The following FBXL20 variants were observed in gnomAD, a reference collection of about 807,000 sequenced individuals.
The protein encoded by FBXL20 is F-box and leucine rich repeat protein 20.
FBXL20 carries 11 observed loss-of-function variants against 64.0 expected under a neutral mutation model. That is an observed-to-expected ratio of 0.17 (90% CI 0.11 to 0.28). The LOEUF (loss-of-function observed/expected upper bound fraction) is 0.28. FBXL20 is among the 10% of genes least tolerant of loss of function. The probability of loss-of-function intolerance (pLI) is 1.00; values close to 1 mark genes in which losing one functional copy is unlikely to be tolerated. For synonymous variants in FBXL20, 184 were observed against 189.0 expected (o/e 0.97, Z 0.22); for missense variants, 303 against 526.2 (o/e 0.58, Z 4.15).
At chr17:39,281,280 TG>T in intron 9 of FBXL20, 108 bp downstream of exon 9, 1 of 926,776 alleles carries the variant, frequency 1.1e-6, no homozygotes, top group Non-Finnish European at 1.7e-6. Flanking sequence ...ACTAGGGTTG[TG>T]GTAGAAAAAC....
At chr17:39,327,793 C>A (rs887971697) in intron 2 of FBXL20, among the ~76,000 whole-genome samples, 2 of 152,162 alleles carry the variant, frequency 1.3e-5, no homozygotes, top group South Asian at 2.1e-4. Context: ...CTCCACCTCC[C>A]GGGTTCATGC....
At chr17:39,329,150 ATACTCCT>A (rs779487571) in intron 2 of FBXL20, among the ~76,000 whole-genome samples, 1 of 152,204 alleles carries the variant, frequency 6.6e-6, no homozygotes, top group African/African-American at 2.4e-5. Flanking sequence ...AATCTGGCAG[ATACTCCT>A]CAGACCTAAT....
chr17:39,269,052 C>T (rs1192683851), intron 11 of FBXL20, among the ~76,000 whole-genome samples, 181 bp from the exon 12 acceptor site: 3 of 152,080 alleles, frequency 2.0e-5, no homozygotes, highest in East Asian at 1.9e-4. Context: ...CTCTGTCACC[C>T]AGGTTGGAGT....
chr17:39,283,971 G>A (rs888408862), intron 7 of FBXL20, among the ~76,000 whole-genome samples: 1 of 152,158 alleles, frequency 6.6e-6, no homozygotes, highest in Non-Finnish European at 1.5e-5. Flanking sequence ...AATGACTTTA[G>A]GAAGCCTGTC....
chr17:39,260,927 C>A lies in FBXL20; in HGVS notation c.*533G>T, dbSNP rs1305271906. On this transcript the variant is annotated 3_prime_UTR_variant, in exon 15 of 15. Coordinates refer to ENST00000264658, the MANE Select transcript of FBXL20 (RefSeq NM_032875.3). ...GACGAGCCTTCTTTGTGAGCATGCT[C>A]AGCATGTTGGCATGGAAACAAGGAA... 1 of 156,098 alleles carries A rather than the reference C, an allele frequency of 6.4e-6. No individual in the cohort carries two copies. The highest frequency in any genetic ancestry group is 1.4e-5 in the Non-Finnish European group (1 of 70,040). The allele number at this position is 156,098 out of a possible 1,614,324, so 9.7% of individuals were successfully genotyped here.
At position 39,264,216 on chromosome 17, in the gene FBXL20, C is replaced by A; in HGVS notation, c.1162G>T (p.Asp388Tyr). 1 of 1,614,244 alleles carries A rather than the reference C, an allele frequency of 6.2e-7. No individual in the cohort carries two copies. Among genetic ancestry groups the A allele is most frequent in the South Asian group, 1.1e-5 (1 of 91,084 alleles). Residue 388 changes from aspartate to tyrosine, a missense_variant, in exon 14 of 15, where the codon GAC becomes TAC. Transcript: ENST00000264658. The part of the protein sequence containing the change: ...CHSLERIELY[D>Y]CQQITRAGIK... ...CCAGCCCGTGTGATTTGCTGGCAGTCATAGAGTTCTATCCGCTCAAGGCTA... is the reference window on the plus strand; with the variant it reads ...CCAGCCCGTGTGATTTGCTGGCAGTAATAGAGTTCTATCCGCTCAAGGCTA...
chr17:39,272,990 A>G (rs1414690292), intron 10 of FBXL20, among the ~76,000 whole-genome samples: 1 of 152,140 alleles, frequency 6.6e-6, no homozygotes, highest in Non-Finnish European at 1.5e-5. Context: ...ATTTTGACCA[A>G]TAGGTGTATG....
chr17:39,280,235 CAAA>C (rs35241441), intron 9 of FBXL20, among the ~76,000 whole-genome samples: 2 of 105,406 alleles, frequency 1.9e-5, no homozygotes, highest in African/African-American at 4.4e-5. Flanking sequence ...GACTCCGTCT[CAAA>C]AAAAAAAAAA....
intron 2 of FBXL20, among the ~76,000 whole-genome samples, chr17:39,321,780 C>CA (rs540775014): frequency 0.024 from 1,977 of 83,322 alleles, 18 homozygotes; most frequent in South Asian, 0.065. Context: ...AATTCTGTCT[C>CA]AAAAAAAAAA....
At chr17:39,357,602 G>C (rs889719585) in intron 1 of FBXL20, among the ~76,000 whole-genome samples, 2 of 152,086 alleles carry the variant, frequency 1.3e-5, no homozygotes, top group Non-Finnish European at 2.9e-5. Context: ...GCTAGAGTGC[G>C]GTGGCACAAA....
In FBXL20 at chr17:39,291,428, T is replaced by C. The variant is rs372365565; in HGVS notation, c.398+5699A>G. On this transcript the variant is annotated intron_variant, in intron 6 of 14. Transcript: ENST00000264658. ...AGATTAGATTCTTGATTTTAAAACT[T>C]TTCTTTTTTTTTTTTTTTTTTTTGA... Among the ~76,000 whole-genome samples, 86 of 146,906 alleles carry C rather than the reference T, an allele frequency of 5.9e-4. 2 individuals are homozygous for C. The East Asian group carries it at 0.015, about 26-fold the overall frequency.
At chr17:39,271,423 C>T (rs564463596) in intron 10 of FBXL20, among the ~76,000 whole-genome samples, 4 of 151,882 alleles carry the variant, frequency 2.6e-5, no homozygotes, top group Admixed American at 6.6e-5. Context: ...CACGGTGAAA[C>T]CCCATTTCTA....
intron 1 of FBXL20, among the ~76,000 whole-genome samples, chr17:39,398,033 CGGCGGGCGGGGGGGG>C: frequency 1.7e-4 from 1 of 5,786 alleles, no homozygotes; most frequent in Non-Finnish European, 4.2e-4. Context: ...TTTGGGAGGC[CGGCGGGCGGGGGGGG>C]GGGGGGGGTT....
At chr17:39,262,748 C>A (rs535002445) in intron 14 of FBXL20, among the ~76,000 whole-genome samples, 1 of 152,064 alleles carries the variant, frequency 6.6e-6, no homozygotes, top group East Asian at 2.0e-4. Flanking sequence ...CCTGTAATCC[C>A]AGCACTTTGG....
chr17:39,277,018 T>C (rs1277421969), intron 9 of FBXL20, among the ~76,000 whole-genome samples: 2 of 152,230 alleles, frequency 1.3e-5, no homozygotes, highest in Non-Finnish European at 2.9e-5. Context: ...ACTAATTTTG[T>C]GTAGGCCTAA....
intron 1 of FBXL20, among the ~76,000 whole-genome samples, chr17:39,347,804 T>C (rs1217530071): frequency 1.3e-5 from 2 of 152,152 alleles, no homozygotes; most frequent in African/African-American, 4.8e-5. Flanking sequence ...GGTTTTCTTC[T>C]AGAGTTTTTT....
intron 1 of FBXL20, among the ~76,000 whole-genome samples, chr17:39,361,793 T>A (rs1028470161): frequency 5.9e-5 from 9 of 151,674 alleles, no homozygotes; most frequent in Non-Finnish European, 1.3e-4. Context: ...CGAGACTCCG[T>A]CTCAAAAAAA....
intron 2 of FBXL20, among the ~76,000 whole-genome samples, chr17:39,340,845 T>A (rs1465363186): frequency 6.6e-6 from 1 of 151,964 alleles, no homozygotes; most frequent in Non-Finnish European, 1.5e-5. Flanking sequence ...CTTAAAACTT[T>A]TAAAGATATA....
intron 2 of FBXL20, among the ~76,000 whole-genome samples, chr17:39,315,987 C>T (rs2047287740): frequency 6.6e-6 from 1 of 151,998 alleles, no homozygotes. Flanking sequence ...TTTGGAAAGG[C>T]CAAGGTGGAT....
Sources: allele counts gnomAD v4.1 joint callset (sites outside exome capture counted in the v4.1 genomes callset), GRCh38; gene constraint gnomAD v4.1.1; transcripts MANE v1.5; gene names NCBI Gene and HGNC (gene_info 2026-07-23, HGNC 2026-07-21).